Variants in CHRNA9 observed in about 807,000 individuals in gnomAD.
CHRNA9 encodes cholinergic receptor nicotinic alpha 9 subunit.
CHRNA9 carries 24 observed loss-of-function variants against 36.8 expected under a neutral mutation model. The observed-to-expected ratio is 0.65, with a 90% CI of 0.47 to 0.92. The LOEUF is 0.92. CHRNA9 is among the 40% of genes least tolerant of loss of function. CHRNA9 has a pLI of 0.00. For synonymous variants in CHRNA9, 231 were observed against 231.8 expected, an observed-to-expected ratio of 1.00 and a Z score of 0.03; for missense variants, 610 against 601.2, an observed-to-expected ratio of 1.01 and a Z score of -0.15.
In CHRNA9 at chr4:40,354,102, T is replaced by A; in HGVS notation, c.1022T>A (p.Ile341Asn). 6.2e-7 allele frequency: 1 copy of A among 1,614,210 alleles called. No individual in the cohort carries two copies. Among genetic ancestry groups the A allele is most frequent in the Non-Finnish European group, 8.5e-7 (1 of 1,180,028 alleles). Residue 341 changes from isoleucine to asparagine, a missense_variant, in exon 5 of 5, where the codon ATC becomes AAC. Ile to Asn is a moderately radical substitution (Grantham distance 149). Coordinates refer to ENST00000310169, the MANE Select transcript of CHRNA9 (RefSeq NM_017581.4). ...RPVPHWARVV[I>N]LKYMSRVLFV... Reference sequence around the variant, plus strand: ...GTGCCACACTGGGCCAGGGTGGTCATCCTGAAATACATGTCCAGGGTCTTG... The same window carrying A: ...GTGCCACACTGGGCCAGGGTGGTCAACCTGAAATACATGTCCAGGGTCTTG...
At chr4:40,348,014 C>A (rs1357837983) in intron 3 of CHRNA9, 1 of 152,194 alleles carries the variant, frequency 6.6e-6, no homozygotes, top group Admixed American at 6.5e-5. Context: ...ACAACCAGCT[C>A]TTGGAAAGGA....
Position 40,335,950 on chromosome 4 carries a change from C to T in CHRNA9, c.188C>T (p.Thr63Met), listed in dbSNP as rs375832887. 7.2e-5 allele frequency: 116 copies of T among 1,612,688 alleles called. No individual in the cohort carries two copies. The highest frequency in any genetic ancestry group is 3.5e-4 in the African/African-American group (26 of 74,906). The change falls in exon 2 of 5, where the codon ACG becomes ATG. Residue 63 changes from threonine to methionine, a missense_variant. Transcript: ENST00000310169. ...DKVLNVTLQI[T>M]LSQIKDMDER... The stretch of plus-strand genomic sequence containing the variant: ...GTCCTGAATGTGACCCTGCAGATTA[C>T]GCTCTCTCAGATTAAGGATATGGTG...
At chr4:40,341,527 G>T (rs569667998) in intron 3 of CHRNA9, among the ~76,000 whole-genome samples, 1 of 152,248 alleles carries the variant, frequency 6.6e-6, no homozygotes, top group South Asian at 2.1e-4. Flanking sequence ...ATCTTCATTT[G>T]CATAGGGTAT....
Position 40,354,591 on chromosome 4 carries a change from C to A in CHRNA9, c.*71C>A. The stretch of plus-strand genomic sequence containing the variant: ...CCTGTGATCTATTCCAATGTTCTTC[C>A]AAGATTTTTGTTCATCTATAATTTA... On this transcript the variant is annotated 3_prime_UTR_variant, in exon 5 of 5. Transcript: ENST00000310169. 2 of 1,306,714 alleles carry A rather than the reference C, an allele frequency of 1.5e-6. No individual in the cohort carries two copies. The highest frequency in any genetic ancestry group is 2.1e-6 in the Non-Finnish European group (2 of 944,624). The allele number at this position is 1,306,714 out of a possible 1,614,324, so 80.9% of individuals were successfully genotyped here.
At chr4:40,337,131 T>G in intron 2 of CHRNA9, 79 bp from the exon 3 acceptor site, 1 of 1,308,882 alleles carries the variant, frequency 7.6e-7, no homozygotes, top group South Asian at 1.3e-5. Flanking sequence ...AAATTCCTAT[T>G]GTGAAGAACA....
chr4:40,335,609 A>G (rs1712293735), intron 1 of CHRNA9, 78 bp downstream of exon 1: 2 of 1,184,944 alleles, frequency 1.7e-6, no homozygotes, highest in East Asian at 4.6e-5. Context: ...CAGGACAGGG[A>G]AGACAAAACA....
chr4:40,335,447 T>G lies in CHRNA9; in HGVS notation c.-21T>G. 1 of 1,601,080 alleles carries G rather than the reference T, an allele frequency of 6.2e-7. No homozygotes were observed. Among genetic ancestry groups the G allele is most frequent in the Non-Finnish European group, 8.6e-7 (1 of 1,167,964 alleles). ...ACCACGCTGCCTGACTGAGACTTTA[T>G]TATAGAGGCTCAGGAAAAAGATGAA... On this transcript the variant is annotated 5_prime_UTR_variant, in exon 1 of 5. Coordinates refer to ENST00000310169, the MANE Select transcript of CHRNA9 (RefSeq NM_017581.4).
Position 40,354,708 on chromosome 4 carries a change from A to T in CHRNA9, c.*188A>T. The T allele has an allele frequency of 1.8e-6, 1 of 555,370 alleles. No homozygotes were observed. Among genetic ancestry groups the T allele is most frequent in the Non-Finnish European group, 3.1e-6 (1 of 318,072 alleles). The allele number at this position is 555,370 out of a possible 1,614,324, so 34.4% of individuals were successfully genotyped here. A position where few individuals can be genotyped will look rare whatever the true frequency, so the allele number is the denominator to read the frequency against. ...AATTAAGCAGAAGAACCAAAATTTC[A>T]AGGGTAGGAAGATGGAAGAAATAGG... On this transcript the variant is annotated 3_prime_UTR_variant, in exon 5 of 5. Coordinates refer to ENST00000310169, the MANE Select transcript of CHRNA9 (RefSeq NM_017581.4).
Position 40,354,265 on chromosome 4 carries a change from C to A in CHRNA9, c.1185C>A (p.Asp395Glu), listed in dbSNP as rs1334628000. ...ARNKDLSRKK[D>E]MNKRLKNDLG... ...ACAAAGACCTTTCCAGAAAGAAGGA[C>A]ATGAACAAACGCTTAAAGAACGACC... The change falls in exon 5 of 5, where the codon GAC becomes GAA. Residue 395 changes from aspartate to glutamate, a missense_variant. By Grantham distance (45) the Asp-to-Glu change is conservative. Transcript: ENST00000310169. 6.2e-7 allele frequency: 1 copy of A among 1,614,180 alleles called. No individual in the cohort carries two copies. The highest frequency in any genetic ancestry group is 1.1e-5 in the South Asian group (1 of 91,084).
rs751189135 is a variant in CHRNA9 at position 40,349,171 on chromosome 4, T to C, written c.655T>C (p.Cys219Arg). 6.2e-7 allele frequency: 1 copy of C among 1,614,224 alleles called. No individual in the cohort carries two copies. Among genetic ancestry groups the C allele is most frequent in the Non-Finnish European group, 8.5e-7 (1 of 1,180,030 alleles). Residue 219 changes from cysteine (C) to arginine (R), a missense_variant, in exon 4 of 5, where the codon TGC becomes CGC. Transcript: ENST00000310169. ...TGTGAAGAATGTGATCTCCTATGGC[T>C]GCTGCTCTGAGCCTTACCCGGATGT... is the stretch of plus-strand genomic sequence containing the variant. The part of the protein sequence containing the change: ...PAVKNVISYG[C>R]CSEPYPDVTF...
chr4:40,342,748 G>A (rs986284636), intron 3 of CHRNA9, among the ~76,000 whole-genome samples: 3 of 152,148 alleles, frequency 2.0e-5, no homozygotes, highest in Non-Finnish European at 2.9e-5. Context: ...GTGTGTGGAA[G>A]GAGATGAGAG....
intron 2 of CHRNA9, 23 bp from the exon 3 acceptor site, chr4:40,337,187 C>G (rs374894532): frequency 2.5e-6 from 4 of 1,609,468 alleles, no homozygotes; most frequent in Non-Finnish European, 3.4e-6. Flanking sequence ...CTAGGTAAAG[C>G]GACATCTGGA....
chr4:40,343,104 A>C (rs1172174154), intron 3 of CHRNA9, among the ~76,000 whole-genome samples: 3 of 152,166 alleles, frequency 2.0e-5, no homozygotes, highest in African/African-American at 7.2e-5. Flanking sequence ...TCCCTCATTT[A>C]CCAGCCTGCT....
In CHRNA9 at chr4:40,354,580, C is replaced by T; in HGVS notation, c.*60C>T. Reference sequence around the variant, plus strand: ...TAATACAATTCCCTGTGATCTATTCCAATGTTCTTCCAAGATTTTTGTTCA... The same window carrying T: ...TAATACAATTCCCTGTGATCTATTCTAATGTTCTTCCAAGATTTTTGTTCA... On this transcript the variant is annotated 3_prime_UTR_variant, in exon 5 of 5. Coordinates refer to ENST00000310169, the MANE Select transcript of CHRNA9 (RefSeq NM_017581.4). The T allele has an allele frequency of 7.5e-7, 1 of 1,341,324 alleles. No homozygotes were observed. Among genetic ancestry groups the T allele is most frequent in the East Asian group, 2.3e-5 (1 of 43,228 alleles). The allele number at this position is 1,341,324 out of a possible 1,614,324, so 83.1% of individuals were successfully genotyped here. A position where few individuals can be genotyped will look rare whatever the true frequency, so the allele number is the denominator to read the frequency against.
chr4:40,354,768 G>A lies in CHRNA9; in HGVS notation c.*248G>A. Reference sequence around the variant, plus strand: ...CTTTTATAGCCCACCGTAGTGGTGGGTGACTGGCCTCTAGTTTATATAATT... The same window carrying A: ...CTTTTATAGCCCACCGTAGTGGTGGATGACTGGCCTCTAGTTTATATAATT... On this transcript the variant is annotated 3_prime_UTR_variant, in exon 5 of 5. Transcript: ENST00000310169. The A allele has an allele frequency of 2.6e-6, 1 of 384,950 alleles. No homozygotes were observed. 23.8% of individuals were successfully genotyped at this position (384,950 alleles called of 1,614,324 possible). A position where few individuals can be genotyped will look rare whatever the true frequency, so the allele number is the denominator to read the frequency against.
chr4:40,342,157 G>A (rs1231631741), intron 3 of CHRNA9, among the ~76,000 whole-genome samples: 1 of 152,172 alleles, frequency 6.6e-6, no homozygotes, highest in African/African-American at 2.4e-5. Context: ...TAGCTTTAAG[G>A]CCAGCTTATG....
rs1485856410 is a variant in CHRNA9 at position 40,348,982 on chromosome 4, G to T, written c.466G>T (p.Val156Leu). 1 of 1,614,100 alleles carries T rather than the reference G, an allele frequency of 6.2e-7. No homozygotes were observed. Among genetic ancestry groups the T allele is most frequent in the Non-Finnish European group, 8.5e-7 (1 of 1,180,036 alleles). Reference sequence around the variant, plus strand: ...ACCGGCCATCACCAAAAGCTCCTGTGTGGTGGATGTCACCTACTTCCCTTT... The same window carrying T: ...ACCGGCCATCACCAAAAGCTCCTGTTTGGTGGATGTCACCTACTTCCCTTT... ...DAPAITKSSCVVDVTYFPFDN... is the reference protein window; with the variant it reads ...DAPAITKSSCLVDVTYFPFDN... The change falls in exon 4 of 5, where the codon GTG becomes TTG. Residue 156 changes from valine to leucine, a missense_variant. Transcript: ENST00000310169.
rs1004124283 is a variant in CHRNA9 at position 40,354,335 on chromosome 4, G to A, written c.1255G>A (p.Ala419Thr). ...CCCTCAGGAGGCCGAGAGTTACTGT[G>A]CACAGTACAAAGTGCTGACGAGGAA... ...KNPQEAESYC[A>T]QYKVLTRNIE... The change falls in exon 5 of 5, where the codon GCA (alanine) becomes ACA (threonine). Residue 419 changes from alanine to threonine, a missense_variant. Physicochemically the swap from Ala to Thr is moderately conservative, Grantham distance 58 (BLOSUM62 0). Coordinates refer to ENST00000310169, the MANE Select transcript of CHRNA9 (RefSeq NM_017581.4). 4 of 1,614,052 alleles carry A rather than the reference G, an allele frequency of 2.5e-6. No homozygotes were observed. In the African/African-American group the frequency reaches 5.3e-5, roughly 22 times the overall value.
intron 3 of CHRNA9, among the ~76,000 whole-genome samples, chr4:40,343,742 T>C (rs1304968496): frequency 1.3e-5 from 2 of 152,184 alleles, no homozygotes; most frequent in East Asian, 1.9e-4. Flanking sequence ...CATGTTTTAG[T>C]TGAGAACAAG....
Sources: allele counts gnomAD v4.1 joint callset (sites outside exome capture counted in the v4.1 genomes callset), GRCh38; gene constraint gnomAD v4.1.1; transcripts MANE v1.5; gene names NCBI Gene and HGNC (gene_info 2026-07-23, HGNC 2026-07-21).